The following C1GALT1 variants were observed in gnomAD, a reference collection of about 807,000 sequenced individuals.
The protein encoded by C1GALT1 is glycoprotein-N-acetylgalactosamine 3-beta-galactosyltransferase 1.
C1GALT1 carries 11 observed loss-of-function variants against 31.0 expected under a neutral mutation model. The observed-to-expected ratio is 0.36, with a 90% CI of 0.22 to 0.59. C1GALT1 has a LOEUF of 0.59. Ranked by LOEUF, C1GALT1 falls within the 20% of genes least tolerant of loss-of-function variation. The pLI is 0.79. For synonymous variants in C1GALT1, 175 were observed against 143.6 expected (o/e 1.22, Z -1.56); for missense variants, 424 against 425.2 (o/e 1.00, Z 0.03).
intron 3 of C1GALT1, 190 bp downstream of exon 3, chr7:7,239,112 C>T: frequency 1.7e-6 from 1 of 581,016 alleles, no homozygotes; most frequent in Non-Finnish European, 3.0e-6. Flanking sequence ...AGTCACTTAG[C>T]AAATAGCTAT....
At chr7:7,183,648 T>C in intron 1 of C1GALT1, 1 of 966,856 alleles carries the variant, frequency 1.0e-6, no homozygotes, top group East Asian at 1.1e-4. Flanking sequence ...GGATTTATTC[T>C]TTCCTGGTCC....
In C1GALT1 at chr7:7,196,899, T is replaced by C. The variant is rs572280778; in HGVS notation, c.-18+14079T>C. Among the ~76,000 whole-genome samples, 13 of 152,358 alleles carry C rather than the reference T, an allele frequency of 8.5e-5. No homozygotes were observed. In the East Asian group the frequency reaches 2.3e-3, roughly 27 times the overall value. On this transcript the variant is annotated intron_variant, in intron 1 of 3. Transcript: ENST00000436587. Reference sequence around the variant, plus strand: ...ACCTGTTCATATCCTTTTCCCACTTTTTGATGGGGTTGTTTGATTTTTTCT... The same window carrying C: ...ACCTGTTCATATCCTTTTCCCACTTCTTGATGGGGTTGTTTGATTTTTTCT...
At chr7:7,222,901 T>G (rs1028066955) in intron 1 of C1GALT1, among the ~76,000 whole-genome samples, 8 of 98,166 alleles carry the variant, frequency 8.1e-5, no homozygotes, top group East Asian at 4.1e-4. Context: ...GGTATGTGAG[T>G]TTTTTTTTGG....
chr7:7,239,970 T>G (rs868094430), intron 3 of C1GALT1, among the ~76,000 whole-genome samples: 71 of 152,306 alleles, frequency 4.7e-4, no homozygotes, highest in Admixed American at 4.2e-3. Flanking sequence ...GAACCTAGCT[T>G]TTAGGCTCAG....
intron 2 of C1GALT1, among the ~76,000 whole-genome samples, chr7:7,169,858 C>T (rs775138639): frequency 2.0e-5 from 3 of 152,186 alleles, no homozygotes; most frequent in Non-Finnish European, 4.4e-5. Context: ...CAGGGTAATG[C>T]TGACCTCACA....
chr7:7,193,513 A>T (rs1002392411), intron 1 of C1GALT1, among the ~76,000 whole-genome samples: 2 of 152,090 alleles, frequency 1.3e-5, no homozygotes, highest in Admixed American at 1.3e-4. Flanking sequence ...TCATTGGTCT[A>T]TGTGCCTATT....
rs182450973 is a variant in C1GALT1 at position 7,163,167 on chromosome 7, G to A, written c.-18+5741G>A. On this transcript the variant is annotated intron_variant, in intron 2 of 3. Transcript: ENST00000429911. ...GGCTTCTGTTGCCATTGCTTTTGGT[G>A]TTTTAGACATGAAGTCCTTGCCCGT... is the stretch of plus-strand genomic sequence containing the variant. 3.2e-3 allele frequency among the ~76,000 whole-genome samples: 488 copies of A among 152,258 alleles called. 6 individuals are homozygous for A. Among genetic ancestry groups the A allele is most frequent in the African/African-American group, 0.011 (461 of 41,540 alleles).
At chr7:7,172,833 TTA>T (rs1780468447) in intron 2 of C1GALT1, among the ~76,000 whole-genome samples, 2 of 152,180 alleles carry the variant, frequency 1.3e-5, no homozygotes, top group Admixed American at 1.3e-4. Context: ...AGTCCATAAT[TTA>T]CATTAGAGTT....
At chr7:7,242,824 T>G (rs1195188417) in intron 3 of C1GALT1, among the ~76,000 whole-genome samples, 2 of 152,106 alleles carry the variant, frequency 1.3e-5, no homozygotes, top group African/African-American at 4.8e-5. Flanking sequence ...CTGATATGAT[T>G]TTTCAGTCAA....
chr7:7,240,643 G>A (rs943596635), intron 3 of C1GALT1, among the ~76,000 whole-genome samples: 9 of 151,998 alleles, frequency 5.9e-5, no homozygotes, highest in Non-Finnish European at 1.2e-4. Flanking sequence ...GTAGCAAAGG[G>A]ACATCATAAT....
At position 7,240,037 on chromosome 7, in the gene C1GALT1, G is replaced by A. The variant is rs573201520; in HGVS notation, c.888+1115G>A. 7.9e-5 allele frequency among the ~76,000 whole-genome samples: 12 copies of A among 152,274 alleles called. No individual in the cohort carries two copies. The East Asian group carries it at 2.1e-3, about 27-fold the overall frequency. The stretch of plus-strand genomic sequence containing the variant: ...ACTAGTTCTCTATGCCTTCTTTTCT[G>A]TGGACCTAACGTATAAATAATACAC... On this transcript the variant is annotated intron_variant, in intron 3 of 3. Transcript: ENST00000436587.
rs756159505 is a variant in C1GALT1 at position 7,238,867 on chromosome 7, G to A, written c.833G>A (p.Gly278Asp). Residue 278 changes from glycine (G) to aspartate (D), a missense_variant, in exon 3 of 4, where the codon GGT (glycine) becomes GAT (aspartate). Coordinates refer to ENST00000436587, the MANE Select transcript of C1GALT1 (RefSeq NM_020156.5). This position sits in a 1 kb window ranked among gnomAD's most constrained non-coding sequence, Gnocchi z 5.2. ...GTGCCAGAACACCATTTAATTAAAGGTTATCTACCTAGAACGTTTTGGTAC... is the reference window on the plus strand; with the variant it reads ...GTGCCAGAACACCATTTAATTAAAGATTATCTACCTAGAACGTTTTGGTAC... ...PFVPEHHLIK[G>D]YLPRTFWYWN... The A allele has an allele frequency of 3.1e-6, 5 of 1,613,862 alleles. No individual in the cohort carries two copies. The South Asian group carries it at 5.5e-5, about 18-fold the overall frequency.
chr7:7,190,027 C>A (rs1055680185), intron 1 of C1GALT1, among the ~76,000 whole-genome samples: 2 of 152,048 alleles, frequency 1.3e-5, no homozygotes, highest in Admixed American at 6.6e-5. Context: ...CTGATGAAGT[C>A]CCTTTATAAG....
intron 3 of C1GALT1, among the ~76,000 whole-genome samples, chr7:7,240,709 CAG>C (rs546074420): frequency 5.3e-5 from 8 of 152,080 alleles, no homozygotes; most frequent in Non-Finnish European, 8.8e-5. Flanking sequence ...GACCATAAAA[CAG>C]AATTAGAATT....
intron 1 of C1GALT1, chr7:7,183,565 T>C (rs551803900): frequency 3.0e-6 from 3 of 985,276 alleles, no homozygotes; most frequent in East Asian, 1.1e-4. Flanking sequence ...TAGTAGGTGT[T>C]GACAAGTTGT....
intron 1 of C1GALT1, among the ~76,000 whole-genome samples, chr7:7,217,138 C>T (rs1379541012): frequency 6.6e-6 from 1 of 152,132 alleles, no homozygotes; most frequent in African/African-American, 2.4e-5. Context: ...GCCAATGCAC[C>T]AAAATGATAA....
At chr7:7,160,685 C>A (rs1479852310) in intron 2 of C1GALT1, among the ~76,000 whole-genome samples, 1 of 152,118 alleles carries the variant, frequency 6.6e-6, no homozygotes, top group Non-Finnish European at 1.5e-5. Context: ...ACATGCAACT[C>A]ATTCCTGGGT....
At chr7:7,204,085 C>T (rs1399779151) in intron 1 of C1GALT1, among the ~76,000 whole-genome samples, 1 of 148,656 alleles carries the variant, frequency 6.7e-6, no homozygotes, top group Non-Finnish European at 1.5e-5. Context: ...AGGAAGTGTT[C>T]CCTCCTCTTC....
intron 2 of C1GALT1, among the ~76,000 whole-genome samples, chr7:7,167,035 A>T (rs901877771): frequency 6.6e-6 from 1 of 152,186 alleles, no homozygotes; most frequent in African/African-American, 2.4e-5. Flanking sequence ...GCATGCCCTG[A>T]TTGGACACCA....
Sources: gnomAD v4.1 joint callset for allele counts (sites outside exome capture counted in the v4.1 genomes callset) on GRCh38, gnomAD v4.1.1 for gene constraint, Gnocchi (gnomAD v3.1) non-coding constraint, MANE v1.5 for transcripts, NCBI Gene and HGNC (gene_info 2026-07-23, HGNC 2026-07-21) for gene names.